The following GFPT2 variants were observed in gnomAD, a reference collection of about 807,000 sequenced individuals.
GFPT2 encodes glutamine--fructose-6-phosphate transaminase 2.
A neutral mutation model predicts 85.6 loss-of-function variants in GFPT2; 62 were observed. That is an observed-to-expected ratio of 0.72 (90% CI 0.59 to 0.90). GFPT2 has a LOEUF of 0.90. Among genes scored for constraint, GFPT2 ranks in the 40% least tolerant of loss-of-function variants. The pLI, the probability that GFPT2 is intolerant of heterozygous loss-of-function variation, is 0.00. For synonymous variants in GFPT2, 368 were observed against 344.5 expected, an observed-to-expected ratio of 1.07 and a Z score of -0.75; for missense variants, 788 against 893.4, an observed-to-expected ratio of 0.88 and a Z score of 1.50.
chr5:180,347,558 C>G (rs982671762), intron 1 of GFPT2, among the ~76,000 whole-genome samples: 2 of 152,012 alleles, frequency 1.3e-5, no homozygotes, highest in African/African-American at 4.8e-5. Flanking sequence ...CTCTTGGCCC[C>G]GGCTCACTGC....
At chr5:180,313,109 G>C (rs1411724021) in intron 14 of GFPT2, among the ~76,000 whole-genome samples, 2 of 151,476 alleles carry the variant, frequency 1.3e-5, no homozygotes, top group African/African-American at 4.8e-5. Flanking sequence ...GGGGTTGCCC[G>C]GGGCGGTCTG....
chr5:180,319,178 T>A (rs1026083768), intron 9 of GFPT2, among the ~76,000 whole-genome samples: 5 of 152,260 alleles, frequency 3.3e-5, no homozygotes, highest in African/African-American at 9.6e-5. Flanking sequence ...AGACATTATA[T>A]CATTTCTTCT....
At chr5:180,305,676 C>CAG (rs1209791513) in intron 16 of GFPT2, among the ~76,000 whole-genome samples, 14 of 152,206 alleles carry the variant, frequency 9.2e-5, no homozygotes, top group Non-Finnish European at 1.9e-4. Context: ...TCAGCAGACT[C>CAG]ATGCGGAGGC....
In GFPT2 at chr5:180,312,538, T is replaced by C. The variant is rs751766251; in HGVS notation, c.1438A>G (p.Thr480Ala). The part of the protein sequence containing the change: ...EIGVASTKAY[T>A]SQFISLVMFG... ...ATCACCAGAGAGATGAACTGACTGG[T>C]ATAAGCCTGTGCACAAAGAAGGAGG... is the stretch of plus-strand genomic sequence containing the variant. The change falls in exon 15 of 19, where the codon ACC (threonine) becomes GCC (alanine). Residue 480 changes from threonine to alanine, a missense_variant. Coordinates refer to ENST00000253778, the MANE Select transcript of GFPT2 (RefSeq NM_005110.4). 6.4e-7 allele frequency: 1 copy of C among 1,555,238 alleles called. No individual in the cohort carries two copies. Among genetic ancestry groups the C allele is most frequent in the Non-Finnish European group, 8.9e-7 (1 of 1,126,574 alleles).
At chr5:180,319,521 G>A (rs1764078985) in intron 9 of GFPT2, among the ~76,000 whole-genome samples, 1 of 152,184 alleles carries the variant, frequency 6.6e-6, no homozygotes, top group Non-Finnish European at 1.5e-5. Context: ...AGCTAGTAAT[G>A]AAGAAATAAT....
At chr5:180,313,148 C>T (rs1271448846) in intron 14 of GFPT2, among the ~76,000 whole-genome samples, 3 of 152,062 alleles carry the variant, frequency 2.0e-5, no homozygotes, top group Non-Finnish European at 4.4e-5. Context: ...GATGCTCCCG[C>T]CTCAGCCTCC....
intron 13 of GFPT2, among the ~76,000 whole-genome samples, chr5:180,315,222 G>A (rs1453030972): frequency 6.6e-6 from 1 of 150,830 alleles, no homozygotes; most frequent in Admixed American, 6.6e-5. Context: ...CTGTCGCCCA[G>A]GCTGGAGTGC....
intron 1 of GFPT2, among the ~76,000 whole-genome samples, chr5:180,350,164 G>A (rs1561886226): frequency 6.6e-6 from 1 of 152,136 alleles, no homozygotes; most frequent in Non-Finnish European, 1.5e-5. Context: ...AGAGTCCCAT[G>A]AGTGAGGGAG....
intron 9 of GFPT2, among the ~76,000 whole-genome samples, chr5:180,321,334 G>C (rs149790790): frequency 6.6e-6 from 1 of 152,328 alleles, no homozygotes; most frequent in Non-Finnish European, 1.5e-5. Context: ...GCATGTACAT[G>C]TTTGTTTAAA....
chr5:180,352,656 T>C (rs1764736473), intron 1 of GFPT2: 1 of 439,994 alleles, frequency 2.3e-6, no homozygotes, highest in South Asian at 1.6e-5. Context: ...CAGACGTTCC[T>C]TTGGGGTCGC....
chr5:180,312,195 C>T (rs1237628398), intron 15 of GFPT2, among the ~76,000 whole-genome samples: 1 of 67,128 alleles, frequency 1.5e-5, no homozygotes, highest in South Asian at 5.5e-4. Flanking sequence ...ACCAGGGAGG[C>T]GGGGAGGCAG....
Position 180,336,533 on chromosome 5 carries a change from T to C in GFPT2, c.160A>G (p.Ile54Val). Residue 54 changes from isoleucine to valine, a missense_variant, in exon 3 of 19, where the codon ATT becomes GTT. Ile to Val is a conservative substitution (Grantham distance 29). Coordinates refer to ENST00000253778, the MANE Select transcript of GFPT2 (RefSeq NM_005110.4). ...GNNHEVKERH[I>V]QLVKKRGKVK... is the part of the protein sequence containing the mutation. ...TTCCCCCTTTTCTTGACCAGCTGAA[T>C]GTGTCTTTCTTTGACTTCGTGATTA... 6.2e-7 allele frequency: 1 copy of C among 1,612,310 alleles called. No homozygotes were observed. The highest frequency in any genetic ancestry group is 8.5e-7 in the Non-Finnish European group (1 of 1,178,304).
chr5:180,352,444 G>A lies in GFPT2; in HGVS notation c.7+767C>T, dbSNP rs1163183072. The A allele has an allele frequency of 2.4e-5, 11 of 453,510 alleles. No homozygotes were observed. In the East Asian group the frequency reaches 5.0e-4, roughly 20 times the overall value. 28.1% of individuals were successfully genotyped at this position (453,510 alleles called of 1,614,324 possible). On this transcript the variant is annotated intron_variant, in intron 1 of 18. Coordinates refer to ENST00000253778, the MANE Select transcript of GFPT2 (RefSeq NM_005110.4). ...GGCCCAGCCAGGAGAGTAAAGAATT[G>A]CAGATGTGCGCTCCGGGCCGCGGCC...
At chr5:180,332,084 G>A (rs1043141746) in intron 4 of GFPT2, among the ~76,000 whole-genome samples, 3 of 152,238 alleles carry the variant, frequency 2.0e-5, no homozygotes, top group Non-Finnish European at 4.4e-5. Flanking sequence ...AAAAATCCCA[G>A]AAGTTCTGGC....
intron 1 of GFPT2, among the ~76,000 whole-genome samples, chr5:180,341,462 G>C (rs1297109244): frequency 2.0e-5 from 3 of 152,188 alleles, no homozygotes; most frequent in African/African-American, 7.2e-5. Context: ...ACAGTGAGTG[G>C]GGTCCCATCA....
At position 180,301,387 on chromosome 5, in the gene GFPT2, A is replaced by C. The variant is rs973043067; in HGVS notation, c.*177T>G. 6.2e-6 allele frequency: 4 copies of C among 640,902 alleles called. No homozygotes were observed. The Admixed American group carries it at 1.1e-4, about 18-fold the overall frequency. 39.7% of individuals were successfully genotyped at this position (640,902 alleles called of 1,614,324 possible). Reference sequence around the variant, plus strand: ...CTCTGGCGACTTCAGGACACAGAGAAACAGTATCTGCTGTAAGCAAAAGCA... The same window carrying C: ...CTCTGGCGACTTCAGGACACAGAGACACAGTATCTGCTGTAAGCAAAAGCA... On this transcript the variant is annotated 3_prime_UTR_variant, in exon 19 of 19. Transcript: ENST00000253778.
chr5:180,347,077 G>A (rs1293270187), intron 1 of GFPT2, among the ~76,000 whole-genome samples: 1 of 152,224 alleles, frequency 6.6e-6, no homozygotes, highest in Non-Finnish European at 1.5e-5. Context: ...CCAGGTGGGG[G>A]ATGCTGAGCG....
At chr5:180,332,041 G>A (rs1330268674) in intron 4 of GFPT2, among the ~76,000 whole-genome samples, 1 of 152,254 alleles carries the variant, frequency 6.6e-6, no homozygotes, top group Admixed American at 6.5e-5. Context: ...AAAATTCTGA[G>A]TGTTCACTTT....
chr5:180,344,466 A>G (rs766876612), intron 1 of GFPT2, among the ~76,000 whole-genome samples: 2 of 152,324 alleles, frequency 1.3e-5, no homozygotes, highest in Admixed American at 6.5e-5. Flanking sequence ...ACTTCATTCT[A>G]TCCACAGGGG....
Sources: allele counts gnomAD v4.1 joint callset (sites outside exome capture counted in the v4.1 genomes callset), GRCh38; gene constraint gnomAD v4.1.1; transcripts MANE v1.5; gene names NCBI Gene and HGNC (gene_info 2026-07-23, HGNC 2026-07-21).